Variants in ADARB1 observed in about 807,000 individuals in gnomAD.
ADARB1 encodes adenosine deaminase RNA specific B1.
A neutral mutation model predicts 52.4 loss-of-function variants in ADARB1; 10 were observed. The ratio of observed to expected loss-of-function variants is 0.19; its 90% CI spans 0.12 to 0.32. The LOEUF (loss-of-function observed/expected upper bound fraction) is 0.32, where lower values mean the gene tolerates loss of function less well. ADARB1 is among the 10% of genes least tolerant of loss of function. ADARB1 has a pLI of 1.00. For missense variants in ADARB1, 643 were observed against 922.3 expected, an observed-to-expected ratio of 0.70 and a Z score of 3.92; for synonymous variants, 349 against 371.1, an observed-to-expected ratio of 0.94 and a Z score of 0.68.
At chr21:45,188,505 A>G (rs1044933040) in intron 8 of ADARB1, among the ~76,000 whole-genome samples, 15 of 152,130 alleles carry the variant, frequency 9.9e-5, no homozygotes, top group Admixed American at 8.5e-4. Context: ...TATTCCTGCT[A>G]TCATTTGGTT....
At position 45,226,451 on chromosome 21, in the gene ADARB1, A is replaced by C. The variant is rs1029248127; in HGVS notation, c.*4254A>C. On this transcript the variant is annotated 3_prime_UTR_variant, in exon 11 of 11. Transcript: ENST00000348831. Reference sequence around the variant, plus strand: ...AATCTGTGTATACACCACACGTTACAACTGCATGAGCTTCCTCTCGCACAA... The same window carrying C: ...AATCTGTGTATACACCACACGTTACCACTGCATGAGCTTCCTCTCGCACAA... 6.5e-6 allele frequency: 1 copy of C among 152,678 alleles called. No homozygotes were observed. Among genetic ancestry groups the C allele is most frequent in the Admixed American group, 6.5e-5 (1 of 15,286 alleles). 9.5% of individuals were successfully genotyped at this position (152,678 alleles called of 1,614,324 possible).
intron 3 of ADARB1, among the ~76,000 whole-genome samples, chr21:45,174,769 A>C (rs1170589753): frequency 6.6e-6 from 1 of 152,226 alleles, no homozygotes; most frequent in African/African-American, 2.4e-5. Flanking sequence ...AATTATGTTT[A>C]TTTTGCCATG....
At chr21:45,126,911 G>T (rs753629509) in intron 1 of ADARB1, among the ~76,000 whole-genome samples, 5 of 152,244 alleles carry the variant, frequency 3.3e-5, no homozygotes, top group Non-Finnish European at 7.3e-5. Flanking sequence ...CAGGCTTGCA[G>T]AGTTGGTGGG....
At chr21:45,134,792 A>C in intron 2 of ADARB1, 1 of 533,482 alleles carries the variant, frequency 1.9e-6, no homozygotes, top group Non-Finnish European at 3.8e-6. Context: ...CAGGCCCATG[A>C]GTGATGAAGA....
At chr21:45,079,549 T>C (rs952346885) in intron 1 of ADARB1, among the ~76,000 whole-genome samples, 5 of 152,166 alleles carry the variant, frequency 3.3e-5, no homozygotes, top group African/African-American at 1.2e-4. Context: ...AAGGGCCAGA[T>C]CTGGAGGACG....
chr21:45,197,578 A>T (rs79248258), intron 8 of ADARB1, among the ~76,000 whole-genome samples: 1 of 152,246 alleles, frequency 6.6e-6, no homozygotes, highest in African/African-American at 2.4e-5. Context: ...CCAAAGAGAA[A>T]TGAAAGCGTA....
At position 45,159,044 on chromosome 21, in the gene ADARB1, A is replaced by G. The variant is rs183053706; in HGVS notation, c.-47-12566A>G. Among the ~76,000 whole-genome samples, 561 of 152,330 alleles carry G rather than the reference A, an allele frequency of 3.7e-3. 4 individuals are homozygous for G. The highest frequency in any genetic ancestry group is 5.4e-3 in the Non-Finnish European group (370 of 68,028). ...ACATGTTCATTGTAAGAATTCGGAA[A>G]CATAGATACAAAATAAACTTTATGA... On this transcript the variant is annotated intron_variant, in intron 2 of 10. Coordinates refer to ENST00000348831, the MANE Select transcript of ADARB1 (RefSeq NM_001112.4).
In ADARB1 at chr21:45,210,785, G is replaced by A. The variant is rs896799005; in HGVS notation, c.1747+6049G>A. Among the ~76,000 whole-genome samples, 6 of 152,248 alleles carry A rather than the reference G, an allele frequency of 3.9e-5. No individual in the cohort carries two copies. The East Asian group carries it at 1.2e-3, about 29-fold the overall frequency. ...CCTCCCATGGACGAAGACAGTGCAC[G>A]AGAGTGCCTTGGGGCTCCCCCAGGA... On this transcript the variant is annotated intron_variant, in intron 9 of 10. Coordinates refer to ENST00000348831, the MANE Select transcript of ADARB1 (RefSeq NM_001112.4).
chr21:45,160,336 G>A (rs892146977), intron 2 of ADARB1, among the ~76,000 whole-genome samples: 5 of 152,364 alleles, frequency 3.3e-5, no homozygotes, highest in South Asian at 2.1e-4. Context: ...ACAGACGTTC[G>A]CATAGTCTCT....
At chr21:45,152,721 G>A (rs2090360624) in intron 2 of ADARB1, 1 of 421,590 alleles carries the variant, frequency 2.4e-6, no homozygotes, top group Non-Finnish European at 4.9e-6. Flanking sequence ...AATTCATTTA[G>A]TTTTTATTCT....
At chr21:45,083,302 C>T (rs1008513015) in intron 1 of ADARB1, among the ~76,000 whole-genome samples, 11 of 152,244 alleles carry the variant, frequency 7.2e-5, no homozygotes, top group African/African-American at 2.7e-4. Context: ...TGCCTCCCTA[C>T]ACTGCCCCCC....
intron 8 of ADARB1, among the ~76,000 whole-genome samples, chr21:45,191,913 T>G (rs937051747): frequency 1.6e-5 from 2 of 122,656 alleles, no homozygotes; most frequent in South Asian, 2.6e-4. Flanking sequence ...TTTTTTTTTG[T>G]AGTTATCTTC....
chr21:45,152,052 G>A (rs1476197305), intron 2 of ADARB1, among the ~76,000 whole-genome samples: 1 of 152,186 alleles, frequency 6.6e-6, no homozygotes, highest in East Asian at 1.9e-4. Flanking sequence ...ATTTGTCAGT[G>A]GCCTGCAGTT....
rs141891675 is a variant in ADARB1, at chr21:45,222,083, G to A, written c.1992G>A (p.Ala664=). Residue 664 remains alanine, a synonymous_variant, in exon 11 of 11, where the codon GCG becomes GCA. Transcript: ENST00000348831. ...ACGTGTACCATGAGTCCAAGCTGGC[G>A]GCAAAGGAGTACCAGGCCGCCAAGG... ...KPNVYHESKL[A]AKEYQAAKAR... The A allele has an allele frequency of 5.0e-5, 81 of 1,613,486 alleles. No individual in the cohort carries two copies. The highest frequency in any genetic ancestry group is 6.5e-5 in the Non-Finnish European group (77 of 1,179,990).
intron 8 of ADARB1, among the ~76,000 whole-genome samples, chr21:45,187,185 C>CA (rs2092136866): frequency 6.6e-6 from 1 of 152,164 alleles, no homozygotes; most frequent in Admixed American, 6.5e-5. Flanking sequence ...TTTGTATCTT[C>CA]ATTTCTTTCA....
intron 2 of ADARB1, among the ~76,000 whole-genome samples, chr21:45,151,364 A>G (rs2090276337): frequency 6.6e-6 from 1 of 152,286 alleles, no homozygotes; most frequent in Non-Finnish European, 1.5e-5. Context: ...TGCCATGTGC[A>G]GTTGTCACAA....
At chr21:45,139,933 C>CTTTTTTTTTT (rs200847132) in intron 2 of ADARB1, among the ~76,000 whole-genome samples, 1 of 84,934 alleles carries the variant, frequency 1.2e-5, no homozygotes, top group African/African-American at 4.6e-5. Flanking sequence ...CAATAAAACT[C>CTTTTTTTTTT]TTTTTTTTTT....
At chr21:45,083,998 C>T (rs1194756251) in intron 1 of ADARB1, among the ~76,000 whole-genome samples, 2 of 152,066 alleles carry the variant, frequency 1.3e-5, no homozygotes, top group Non-Finnish European at 2.9e-5. Flanking sequence ...TTGCACCTGG[C>T]CAAAAAAGCA....
rs376669042 is a variant in ADARB1, at chr21:45,110,863, C to G, written c.-219-17539C>G. 2.2e-4 allele frequency among the ~76,000 whole-genome samples: 34 copies of G among 152,276 alleles called. No homozygotes were observed. In the East Asian group the frequency reaches 2.5e-3, roughly 11 times the overall value. The stretch of plus-strand genomic sequence containing the variant: ...AGTTTTTACCTGCTGGAAGGTACTC[C>G]TGAGTGCTGTGCTGAGCTCTGCCCA... On this transcript the variant is annotated intron_variant, in intron 1 of 10. Transcript: ENST00000348831.
Sources: gnomAD v4.1 joint callset for allele counts (sites outside exome capture counted in the v4.1 genomes callset) on GRCh38, gnomAD v4.1.1 for gene constraint, MANE v1.5 for transcripts, NCBI Gene and HGNC (gene_info 2026-07-23, HGNC 2026-07-21) for gene names.